DCLK2: variants seen among roughly 807,000 people sequenced by gnomAD.
The protein encoded by DCLK2 is doublecortin like kinase 2.
In DCLK2, 31 loss-of-function variants were observed where a neutral mutation model predicts 78.4. That is an observed-to-expected ratio of 0.40 (90% CI 0.30 to 0.53). DCLK2 has a LOEUF of 0.53. Among genes scored for constraint, DCLK2 ranks in the 20% least tolerant of loss-of-function variants. The pLI is 0.61. For synonymous variants in DCLK2, 407 were observed against 374.9 expected (o/e 1.09, Z -0.99); for missense variants, 872 against 973.7 (o/e 0.90, Z 1.39).
chr4:150,096,672 AGAAGACACT>A (rs1730488914), intron 1 of DCLK2, among the ~76,000 whole-genome samples: 1 of 152,222 alleles, frequency 6.6e-6, no homozygotes, highest in African/African-American at 2.4e-5. Flanking sequence ...CAGTGCCCTC[AGAAGACACT>A]GAAGACACTG....
At chr4:150,233,718 C>G (rs891859353) in intron 10 of DCLK2, among the ~76,000 whole-genome samples, 1 of 152,152 alleles carries the variant, frequency 6.6e-6, no homozygotes, top group African/African-American at 2.4e-5. Context: ...CAGAGTTCTT[C>G]ATAGTCTGAT....
intron 2 of DCLK2, among the ~76,000 whole-genome samples, chr4:150,166,832 G>C (rs11099758): frequency 0.58 from 87,451 of 151,920 alleles, 25,314 homozygotes; most frequent in South Asian, 0.72. Context: ...AGGAGACAAC[G>C]CTCAAAAAGC....
At chr4:150,165,139 C>T (rs1735974100) in intron 2 of DCLK2, among the ~76,000 whole-genome samples, 2 of 152,300 alleles carry the variant, frequency 1.3e-5, no homozygotes, top group South Asian at 2.1e-4. Context: ...AATATACCTT[C>T]GGGAGAGGAA....
intron 5 of DCLK2, among the ~76,000 whole-genome samples, chr4:150,219,338 A>G (rs997877732): frequency 2.2e-5 from 3 of 136,206 alleles, no homozygotes; most frequent in Non-Finnish European, 4.5e-5. Context: ...GTACGATCTC[A>G]GCTCACTGCA....
chr4:150,206,397 G>T (rs1056451324), intron 5 of DCLK2, among the ~76,000 whole-genome samples: 1 of 151,828 alleles, frequency 6.6e-6, no homozygotes, highest in African/African-American at 2.4e-5. Context: ...CAAATTTGTT[G>T]ATTAAGGGAA....
At chr4:150,180,866 G>A (rs984021858) in intron 2 of DCLK2, among the ~76,000 whole-genome samples, 4 of 152,134 alleles carry the variant, frequency 2.6e-5, no homozygotes, top group African/African-American at 9.7e-5. Flanking sequence ...TTCTCTGTAA[G>A]AGCTGGCCAT....
intron 12 of DCLK2, among the ~76,000 whole-genome samples, chr4:150,243,707 A>T (rs1341862937): frequency 6.6e-6 from 1 of 151,474 alleles, no homozygotes; most frequent in Non-Finnish European, 1.5e-5. Flanking sequence ...GTAGTTTGAC[A>T]TGTGTTCTCT....
intron 1 of DCLK2, among the ~76,000 whole-genome samples, chr4:150,091,265 G>A (rs540184719): frequency 7.9e-5 from 12 of 152,286 alleles, no homozygotes; most frequent in African/African-American, 1.9e-4. Flanking sequence ...AAATATGCTC[G>A]AATATCTTTT....
intron 5 of DCLK2, among the ~76,000 whole-genome samples, chr4:150,215,442 C>T (rs375718080): frequency 2.0e-5 from 3 of 152,144 alleles, no homozygotes; most frequent in African/African-American, 7.2e-5. Context: ...TTCCCATGAC[C>T]CCTCTTTGGG....
intron 2 of DCLK2, among the ~76,000 whole-genome samples, chr4:150,168,143 A>G (rs909590625): frequency 1.3e-5 from 2 of 152,166 alleles, no homozygotes; most frequent in African/African-American, 2.4e-5. Flanking sequence ...GGAGATCGAG[A>G]CCATCCTGGC....
chr4:150,119,273 G>A (rs139005610), intron 2 of DCLK2, among the ~76,000 whole-genome samples: 170 of 152,152 alleles, frequency 1.1e-3, no homozygotes, highest in African/African-American at 3.9e-3. Flanking sequence ...GATATTAGGG[G>A]TGTTTTTAGT....
At chr4:150,116,197 G>T (rs1212220349) in intron 2 of DCLK2, among the ~76,000 whole-genome samples, 1 of 152,152 alleles carries the variant, frequency 6.6e-6, no homozygotes, top group Admixed American at 6.6e-5. Context: ...CACCCTGAAG[G>T]GTTCTAGAAG....
At chr4:150,149,700 A>G (rs989186809) in intron 2 of DCLK2, among the ~76,000 whole-genome samples, 1 of 152,206 alleles carries the variant, frequency 6.6e-6, no homozygotes, top group Non-Finnish European at 1.5e-5. Context: ...CTCATGAGGC[A>G]AGGAAGCAAG....
intron 2 of DCLK2, among the ~76,000 whole-genome samples, chr4:150,153,815 T>C (rs1735068453): frequency 6.6e-6 from 1 of 152,116 alleles, no homozygotes; most frequent in African/African-American, 2.4e-5. Flanking sequence ...TATTGGCCTA[T>C]GCTAGATCTA....
At chr4:150,243,192 CT>C (rs931678680) in intron 12 of DCLK2, among the ~76,000 whole-genome samples, 2 of 152,156 alleles carry the variant, frequency 1.3e-5, no homozygotes, top group Non-Finnish European at 2.9e-5. Flanking sequence ...CGGGGAGCAG[CT>C]TTTTTGTGGG....
chr4:150,134,851 TGA>T (rs1733580279), intron 2 of DCLK2, among the ~76,000 whole-genome samples: 1 of 152,132 alleles, frequency 6.6e-6, no homozygotes, highest in African/African-American at 2.4e-5. Flanking sequence ...TTTGTTTTTT[TGA>T]GACTGATGTG....
intron 1 of DCLK2, among the ~76,000 whole-genome samples, chr4:150,098,522 A>G (rs1730629180): frequency 6.6e-6 from 1 of 152,024 alleles, no homozygotes; most frequent in African/African-American, 2.4e-5. Context: ...TATTTTGTTA[A>G]TTTTTTATTT....
chr4:150,247,817 G>T, intron 13 of DCLK2, 118 bp downstream of exon 13: 1 of 755,742 alleles, frequency 1.3e-6, no homozygotes, highest in South Asian at 2.0e-5. Flanking sequence ...TTTAATGTGT[G>T]GTTCTTCTTT....
intron 1 of DCLK2, among the ~76,000 whole-genome samples, chr4:150,084,421 C>T (rs1401937607): frequency 6.6e-6 from 1 of 152,068 alleles, no homozygotes; most frequent in Non-Finnish European, 1.5e-5. Context: ...CTGTGCTAAC[C>T]ATTTTGGAGG....
Sources: allele counts gnomAD v4.1 joint callset (sites outside exome capture counted in the v4.1 genomes callset), GRCh38; gene constraint gnomAD v4.1.1; transcripts MANE v1.5; gene names NCBI Gene and HGNC (gene_info 2026-07-23, HGNC 2026-07-21).